Variants in EYS observed in about 807,000 individuals in gnomAD.
EYS encodes EGF-like photoreceptor maintenance factor.
In EYS, 250 loss-of-function variants were observed where a neutral mutation model predicts 282.1. That is an observed-to-expected ratio of 0.89 (90% CI 0.80 to 0.98). EYS has a LOEUF of 0.98. Ranked by LOEUF, EYS falls within the 50% of genes least tolerant of loss-of-function variation. The pLI is 0.00. For synonymous variants in EYS, 1,355 were observed against 1,282.9 expected (o/e 1.06, Z -1.20); for missense variants, 4,016 against 3,709.0 (o/e 1.08, Z -2.15).
intron 5 of EYS, 66 bp from the exon 6 acceptor site, chr6:65,405,433 T>A: frequency 8.1e-7 from 1 of 1,227,686 alleles, no homozygotes; most frequent in Non-Finnish European, 1.2e-6. Context: ...TGAGCATAGA[T>A]ATGTAGCAAA....
At chr6:64,082,785 T>G (rs1772016571) in intron 31 of EYS, among the ~76,000 whole-genome samples, 1 of 152,132 alleles carries the variant, frequency 6.6e-6, no homozygotes, top group African/African-American at 2.4e-5. Flanking sequence ...TTTAAAACAT[T>G]TCATTGTTAT....
At chr6:65,530,751 T>C (rs1476970734) in intron 2 of EYS, among the ~76,000 whole-genome samples, 1 of 152,148 alleles carries the variant, frequency 6.6e-6, no homozygotes, top group Non-Finnish European at 1.5e-5. Flanking sequence ...AGACAACATA[T>C]ATTTCCACTG....
At chr6:64,542,851 T>A (rs16895479) in intron 26 of EYS, among the ~76,000 whole-genome samples, 7,868 of 152,150 alleles carry the variant, frequency 0.052, 467 homozygotes, top group African/African-American at 0.14. Flanking sequence ...GTGCTTCTAC[T>A]GTCACATTTT....
chr6:64,775,692 T>G (rs1476199250), intron 22 of EYS, among the ~76,000 whole-genome samples: 1 of 152,064 alleles, frequency 6.6e-6, no homozygotes, highest in Non-Finnish European at 1.5e-5. Flanking sequence ...ACAGTATTTT[T>G]GAAAGACAAA....
intron 29 of EYS, among the ~76,000 whole-genome samples, chr6:64,315,498 C>A (rs1002138137): frequency 6.8e-6 from 1 of 147,758 alleles, no homozygotes; most frequent in Non-Finnish European, 1.5e-5. Context: ...CCCTTATGAA[C>A]GTCGATGAGA....
At chr6:65,493,293 C>T (rs1486325470) in intron 4 of EYS, among the ~76,000 whole-genome samples, 1 of 152,108 alleles carries the variant, frequency 6.6e-6, no homozygotes, top group African/African-American at 2.4e-5. Flanking sequence ...GAGAAGGAAT[C>T]CCCCTAAAGC....
chr6:63,858,071 A>G (rs1292720134), intron 36 of EYS, among the ~76,000 whole-genome samples: 1 of 152,198 alleles, frequency 6.6e-6, no homozygotes, highest in East Asian at 1.9e-4. Context: ...AGGCCGATGC[A>G]TAAGGTCAGC....
At chr6:64,266,405 A>T (rs1293019848) in intron 30 of EYS, among the ~76,000 whole-genome samples, 1 of 152,062 alleles carries the variant, frequency 6.6e-6, no homozygotes, top group Non-Finnish European at 1.5e-5. Context: ...AACTAAAAAA[A>T]CCCGAGTGAG....
At chr6:64,576,579 A>G (rs1192973714) in intron 26 of EYS, among the ~76,000 whole-genome samples, 1 of 152,124 alleles carries the variant, frequency 6.6e-6, no homozygotes, top group Non-Finnish European at 1.5e-5. Context: ...AGACTGAAGA[A>G]TATCAACACA....
intron 36 of EYS, among the ~76,000 whole-genome samples, chr6:63,833,227 C>A (rs1351312303): frequency 1.3e-5 from 2 of 152,036 alleles, no homozygotes; most frequent in Non-Finnish European, 2.9e-5. Flanking sequence ...GGCAATCAAG[C>A]AAGAGAAAGA....
chr6:64,067,784 C>T (rs1348145966), intron 32 of EYS, among the ~76,000 whole-genome samples: 2 of 152,074 alleles, frequency 1.3e-5, no homozygotes, highest in East Asian at 3.9e-4. Flanking sequence ...GGGACTACTG[C>T]ATTTGTTTTG....
chr6:64,639,982 C>T (rs996173852), intron 22 of EYS, among the ~76,000 whole-genome samples: 1 of 138,174 alleles, frequency 7.2e-6, no homozygotes, highest in Admixed American at 7.6e-5. Flanking sequence ...TCATCACTGG[C>T]CATCAGAGAA....
At chr6:65,665,048 G>A (rs1768149933) in intron 1 of EYS, among the ~76,000 whole-genome samples, 1 of 152,070 alleles carries the variant, frequency 6.6e-6, no homozygotes, top group Non-Finnish European at 1.5e-5. Flanking sequence ...TCCTTCAGTG[G>A]TATGATCTTA....
intron 2 of EYS, among the ~76,000 whole-genome samples, chr6:65,521,739 C>A (rs1044380097): frequency 2.0e-5 from 3 of 152,106 alleles, no homozygotes; most frequent in African/African-American, 7.2e-5. Flanking sequence ...TCACACTTAG[C>A]AGAGTTACAG....
intron 22 of EYS, among the ~76,000 whole-genome samples, chr6:64,700,035 A>C (rs1770724831): frequency 6.6e-6 from 1 of 152,122 alleles, no homozygotes; most frequent in African/African-American, 2.4e-5. Flanking sequence ...ATAATATACC[A>C]TAATCAAGTG....
Position 64,390,999 on chromosome 6 carries a change from C to T in EYS, c.5928-2159G>A, listed in dbSNP as rs183538931. Among the ~76,000 whole-genome samples, 451 of 151,880 alleles carry T rather than the reference C, an allele frequency of 3.0e-3. 3 individuals carry two copies. Among genetic ancestry groups the T allele is most frequent in the Middle Eastern group, 6.8e-3 (2 of 294 alleles). On this transcript the variant is annotated intron_variant, in intron 28 of 42. Coordinates refer to ENST00000503581, the MANE Select transcript of EYS (RefSeq NM_001142800.2). Reference sequence around the variant, plus strand: ...AATGCAGAAGCCTCAGGAGCCGATGCGAATCAACTGAAAGAAAGGGTATCA... The same window carrying T: ...AATGCAGAAGCCTCAGGAGCCGATGTGAATCAACTGAAAGAAAGGGTATCA...
At chr6:65,452,629 G>A (rs1380662052) in intron 5 of EYS, among the ~76,000 whole-genome samples, 1 of 152,016 alleles carries the variant, frequency 6.6e-6, no homozygotes, top group Non-Finnish European at 1.5e-5. Context: ...GCAGACTACT[G>A]CTAAAGTCAA....
At position 64,945,187 on chromosome 6, in the gene EYS, G is replaced by A. The variant is rs183786178; in HGVS notation, c.2381+606C>T. ...CACGATCTATGCATCCAATAAAGGTGTGATATGCTGAATCTATAAGGAACT... is the reference window on the plus strand; with the variant it reads ...CACGATCTATGCATCCAATAAAGGTATGATATGCTGAATCTATAAGGAACT... On this transcript the variant is annotated intron_variant, in intron 15 of 42. Transcript: ENST00000503581. Among the ~76,000 whole-genome samples, 1,052 of 149,568 alleles carry A rather than the reference G, an allele frequency of 7.0e-3. 8 individuals are homozygous for A. The highest frequency in any genetic ancestry group is 8.3e-3 in the Non-Finnish European group (563 of 67,590).
intron 16 of EYS, among the ~76,000 whole-genome samples, chr6:64,911,803 T>A (rs1349031710): frequency 1.3e-5 from 2 of 152,108 alleles, no homozygotes; most frequent in Non-Finnish European, 2.9e-5. Flanking sequence ...AGTGAACATG[T>A]ACCTAAACCA....
Sources: allele counts gnomAD v4.1 joint callset (sites outside exome capture counted in the v4.1 genomes callset), GRCh38; gene constraint gnomAD v4.1.1; transcripts MANE v1.5; gene names NCBI Gene and HGNC (gene_info 2026-07-23, HGNC 2026-07-21).